Variants in PRIM2 observed in about 807,000 individuals in gnomAD.
PRIM2 encodes the protein DNA primase subunit 2.
In PRIM2, 39 loss-of-function variants were observed where a neutral mutation model predicts 67.3. That is an observed-to-expected ratio of 0.58 (90% CI 0.45 to 0.76). The LOEUF (loss-of-function observed/expected upper bound fraction) is 0.76. Ranked by LOEUF, PRIM2 falls within the 30% of genes least tolerant of loss-of-function variation. The probability of loss-of-function intolerance (pLI) is 0.00; values close to 1 mark genes in which losing one functional copy is unlikely to be tolerated. For synonymous variants in PRIM2, 143 were observed against 198.7 expected, an observed-to-expected ratio of 0.72 and a Z score of 2.36; for missense variants, 398 against 598.7, an observed-to-expected ratio of 0.66 and a Z score of 3.50.
the PRIM2 span, among the ~76,000 whole-genome samples, chr6:57,280,038 C>A: frequency 2.0e-5 from 3 of 152,218 alleles, no homozygotes; most frequent in Non-Finnish European, 4.4e-5. Context: ...GACCAGATAA[C>A]ATGAGGCCCC....
chr6:57,347,692 A>G (rs1768724142), intron 5 of PRIM2, among the ~76,000 whole-genome samples: 1 of 152,154 alleles, frequency 6.6e-6, no homozygotes, highest in Non-Finnish European at 1.5e-5. Flanking sequence ...GATCCTTGCA[A>G]CTTGGCCTCC....
chr6:57,345,743 G>A (rs935644678), intron 5 of PRIM2, among the ~76,000 whole-genome samples: 1 of 152,078 alleles, frequency 6.6e-6, no homozygotes, highest in Non-Finnish European at 1.5e-5. Context: ...ACAAAAGAAT[G>A]GCTACTGCAT....
At chr6:57,326,111 GCTGGTA>G (rs1767844225) in intron 5 of PRIM2, 66 bp downstream of exon 5, 1 of 1,569,150 alleles carries the variant, frequency 6.4e-7, no homozygotes, top group Non-Finnish European at 8.7e-7. Flanking sequence ...TGTCTTAAGT[GCTGGTA>G]CTAATGTGTA....
At chr6:57,533,226 G>A (rs1259964899) in intron 9 of PRIM2, among the ~76,000 whole-genome samples, 1 of 151,604 alleles carries the variant, frequency 6.6e-6, no homozygotes, top group Non-Finnish European at 1.5e-5. Context: ...GGTTCCATAG[G>A]GTAGCGTACT....
At chr6:57,295,370 A>G in the PRIM2 span, among the ~76,000 whole-genome samples, 1 of 152,310 alleles carries the variant, frequency 6.6e-6, no homozygotes, top group East Asian at 1.9e-4. Context: ...GATTGGGAAT[A>G]TCTGCTCCAG....
At chr6:57,229,799 T>C in the PRIM2 span, among the ~76,000 whole-genome samples, 5 of 152,292 alleles carry the variant, frequency 3.3e-5, no homozygotes, top group African/African-American at 1.2e-4. Flanking sequence ...CTGCATTGCT[T>C]TAATTCTTTT....
At chr6:57,303,182 G>T in the PRIM2 span, among the ~76,000 whole-genome samples, 1 of 152,048 alleles carries the variant, frequency 6.6e-6, no homozygotes, top group East Asian at 1.9e-4. Flanking sequence ...CAAGCCAAAT[G>T]ATAAAAACTA....
At chr6:57,447,250 G>A (rs904079342) in intron 7 of PRIM2, among the ~76,000 whole-genome samples, 2 of 152,242 alleles carry the variant, frequency 1.3e-5, no homozygotes, top group Non-Finnish European at 2.9e-5. Flanking sequence ...ATGTATGAGT[G>A]CAGATTTATG....
intron 5 of PRIM2, among the ~76,000 whole-genome samples, chr6:57,346,030 T>C (rs1025031916): frequency 2.0e-5 from 3 of 152,218 alleles, no homozygotes; most frequent in Non-Finnish European, 4.4e-5. Context: ...AGGTCACTTT[T>C]GTGGCCATCT....
At chr6:57,272,065 G>C in the PRIM2 span, among the ~76,000 whole-genome samples, 5 of 152,274 alleles carry the variant, frequency 3.3e-5, no homozygotes, top group East Asian at 9.6e-4. Context: ...GTCGATTTTG[G>C]AATAGGTGTG....
At chr6:57,471,781 G>GA (rs1160550248) in intron 7 of PRIM2, among the ~76,000 whole-genome samples, 69 of 151,866 alleles carry the variant, frequency 4.5e-4, no homozygotes, top group South Asian at 3.7e-3. Context: ...GTTTTCCTCT[G>GA]AAAAAAAATG....
upstream of PRIM2, among the ~76,000 whole-genome samples, chr6:57,316,449 A>T (rs1036918503): frequency 6.6e-6 from 1 of 152,182 alleles, no homozygotes; most frequent in Non-Finnish European, 1.5e-5. Context: ...AACCTATCTT[A>T]TGTGGTTATG....
Position 57,510,781 on chromosome 6 carries a change from C to T in PRIM2, c.761+3327C>T, listed in dbSNP as rs1774349192. Among the ~76,000 whole-genome samples, 4 of 152,112 alleles carry T rather than the reference C, an allele frequency of 2.6e-5. No individual in the cohort carries two copies. The South Asian group carries it at 8.3e-4, about 31-fold the overall frequency. On this transcript the variant is annotated intron_variant, in intron 8 of 13. Transcript: ENST00000615550. ...CTTGTTATAACGCCTTTCAAGAATA[C>T]TGAATTGTTGCTTTTGCTTGTCTAA...
chr6:57,298,520 G>C, the PRIM2 span, among the ~76,000 whole-genome samples: 1 of 152,056 alleles, frequency 6.6e-6, no homozygotes, highest in Non-Finnish European at 1.5e-5. Context: ...GCCTTCGGGG[G>C]ATGGCCCTGG....
chr6:57,309,412 T>A, the PRIM2 span, among the ~76,000 whole-genome samples: 2 of 151,298 alleles, frequency 1.3e-5, no homozygotes, highest in African/African-American at 2.4e-5. Context: ...GTTCTTGCAA[T>A]AGTTTACTGA....
At chr6:57,513,915 G>A (rs1396324063) in intron 8 of PRIM2, among the ~76,000 whole-genome samples, 1 of 152,108 alleles carries the variant, frequency 6.6e-6, no homozygotes, top group East Asian at 1.9e-4. Context: ...ATGCGTATTT[G>A]TCACACCACA....
intron 9 of PRIM2, among the ~76,000 whole-genome samples, chr6:57,533,152 A>G (rs1774928166): frequency 6.6e-6 from 1 of 151,966 alleles, no homozygotes; most frequent in Admixed American, 6.6e-5. Flanking sequence ...GGAGAGGACA[A>G]TTCATCATCC....
At chr6:57,459,922 G>A (rs1269866073) in intron 7 of PRIM2, among the ~76,000 whole-genome samples, 2 of 152,106 alleles carry the variant, frequency 1.3e-5, no homozygotes, top group African/African-American at 4.8e-5. Context: ...TAAAAATTAA[G>A]CACCCCTAGG....
the PRIM2 span, among the ~76,000 whole-genome samples, chr6:57,282,837 C>G: frequency 1.3e-5 from 2 of 152,192 alleles, no homozygotes; most frequent in African/African-American, 4.8e-5. Context: ...GTGGTTTAAA[C>G]TACCTAGTCT....
Sources: allele counts gnomAD v4.1 joint callset (sites outside exome capture counted in the v4.1 genomes callset), GRCh38; gene constraint gnomAD v4.1.1; transcripts MANE v1.5; gene names NCBI Gene and HGNC (gene_info 2026-07-23, HGNC 2026-07-21).